Variants in SGCD observed in about 807,000 individuals in gnomAD.
SGCD encodes sarcoglycan delta.
A neutral mutation model predicts 36.6 loss-of-function variants in SGCD; 18 were observed. The ratio of observed to expected loss-of-function variants is 0.49; its 90% CI spans 0.34 to 0.73. The LOEUF (loss-of-function observed/expected upper bound fraction) is 0.73, where lower values mean the gene tolerates loss of function less well. Among genes scored for constraint, SGCD ranks in the 30% least tolerant of loss-of-function variants. SGCD has a pLI of 0.01. For synonymous variants in SGCD, 133 were observed against 130.6 expected, an observed-to-expected ratio of 1.02 and a Z score of -0.12; for missense variants, 387 against 346.7, an observed-to-expected ratio of 1.12 and a Z score of -0.92.
intron 1 of SGCD, among the ~76,000 whole-genome samples, chr5:155,886,959 G>C (rs1487772414): frequency 1.3e-5 from 2 of 152,198 alleles, no homozygotes; most frequent in Admixed American, 1.3e-4. Context: ...CCTTGGTAGG[G>C]AAGCCACATG....
intron 2 of SGCD, among the ~76,000 whole-genome samples, chr5:156,119,167 C>G (rs1163976999): frequency 6.6e-6 from 1 of 152,126 alleles, no homozygotes; most frequent in Non-Finnish European, 1.5e-5. Context: ...AGAGACTGAG[C>G]TGGGCCAGTT....
intron 6 of SGCD, among the ~76,000 whole-genome samples, chr5:156,635,650 G>A (rs1762798857): frequency 6.6e-6 from 1 of 152,086 alleles, no homozygotes; most frequent in African/African-American, 2.4e-5. Flanking sequence ...GTCCAACAAT[G>A]ACAGACTGGA....
chr5:156,494,315 C>CT (rs112840342), intron 3 of SGCD, among the ~76,000 whole-genome samples: 3,959 of 146,854 alleles, frequency 0.027, 156 homozygotes, highest in African/African-American at 0.088. Flanking sequence ...TCAAAAAACT[C>CT]TTTTTTTTAA....
chr5:156,545,651 G>A (rs577033853), intron 4 of SGCD, among the ~76,000 whole-genome samples: 77 of 152,244 alleles, frequency 5.1e-4, no homozygotes, highest in African/African-American at 1.7e-3. Context: ...CTGACAGGAG[G>A]TAGAGCTCAG....
chr5:156,146,167 A>C (rs573122025), intron 3 of SGCD, among the ~76,000 whole-genome samples: 5 of 152,238 alleles, frequency 3.3e-5, no homozygotes, highest in Non-Finnish European at 7.4e-5. Flanking sequence ...GAGCTGAGAT[A>C]GCGCCATTGC....
chr5:156,599,175 C>T (rs972179983), intron 6 of SGCD, among the ~76,000 whole-genome samples: 14 of 152,108 alleles, frequency 9.2e-5, no homozygotes, highest in Non-Finnish European at 5.9e-5. Flanking sequence ...CAAGTCTAGG[C>T]AGTTTCATTT....
intron 1 of SGCD, among the ~76,000 whole-genome samples, chr5:155,982,458 A>T (rs542413089): frequency 6.6e-6 from 1 of 152,186 alleles, no homozygotes; most frequent in Non-Finnish European, 1.5e-5. Flanking sequence ...CTTTGAAAAC[A>T]TTCTTTTCCA....
At chr5:155,963,117 A>G (rs1222665145) in intron 1 of SGCD, among the ~76,000 whole-genome samples, 2 of 152,112 alleles carry the variant, frequency 1.3e-5, no homozygotes, top group Admixed American at 6.6e-5. Context: ...CACCATGGGT[A>G]TTGGCAAGAG....
the SGCD span, among the ~76,000 whole-genome samples, chr5:155,803,927 G>T: frequency 6.6e-6 from 1 of 152,278 alleles, no homozygotes; most frequent in Non-Finnish European, 1.5e-5. Flanking sequence ...TGCCAATAGT[G>T]ACCCATTGAG....
intron 6 of SGCD, among the ~76,000 whole-genome samples, chr5:156,616,920 G>C (rs1475305339): frequency 6.6e-6 from 1 of 152,176 alleles, no homozygotes; most frequent in Non-Finnish European, 1.5e-5. Context: ...GAGTAGTTGA[G>C]ACAGAGATCA....
At chr5:156,605,204 C>A (rs114291306) in intron 6 of SGCD, among the ~76,000 whole-genome samples, 2,660 of 152,226 alleles carry the variant, frequency 0.017, 31 homozygotes, top group Non-Finnish European at 0.029. Context: ...TCCCCTCTCC[C>A]CCCACCCAAC....
chr5:156,331,121 T>C (rs1768050172), intron 2 of SGCD, among the ~76,000 whole-genome samples: 1 of 151,754 alleles, frequency 6.6e-6, no homozygotes, highest in Admixed American at 6.6e-5. Flanking sequence ...AAACAAAGAG[T>C]TCAAACAATC....
At chr5:156,538,782 C>A (rs1561764738) in intron 4 of SGCD, among the ~76,000 whole-genome samples, 1 of 152,012 alleles carries the variant, frequency 6.6e-6, no homozygotes. Context: ...CAGAGGCACA[C>A]CCTCTCCTGT....
chr5:156,191,228 C>G (rs771905475), intron 3 of SGCD, among the ~76,000 whole-genome samples: 4 of 152,060 alleles, frequency 2.6e-5, no homozygotes, highest in Non-Finnish European at 4.4e-5. Context: ...AGGAGATAAT[C>G]ATACAACTTA....
At chr5:155,776,357 C>T in the SGCD span, among the ~76,000 whole-genome samples, 1 of 152,200 alleles carries the variant, frequency 6.6e-6, no homozygotes, top group Admixed American at 6.5e-5. Flanking sequence ...CCTCATTTTC[C>T]TTATCTGCAG....
At chr5:156,291,213 C>A (rs555441868) in intron 3 of SGCD, among the ~76,000 whole-genome samples, 6 of 152,156 alleles carry the variant, frequency 3.9e-5, no homozygotes, top group African/African-American at 1.4e-4. Context: ...CTTAGCAACA[C>A]CGTATTCTAT....
chr5:156,608,990 CTT>C (rs1172682354), intron 6 of SGCD, among the ~76,000 whole-genome samples: 1 of 152,080 alleles, frequency 6.6e-6, no homozygotes, highest in Non-Finnish European at 1.5e-5. Flanking sequence ...GGTCTTGACT[CTT>C]TATCCAATTT....
chr5:156,563,561 T>G (rs1053952604), intron 4 of SGCD, among the ~76,000 whole-genome samples: 1 of 152,224 alleles, frequency 6.6e-6, no homozygotes, highest in Non-Finnish European at 1.5e-5. Context: ...CCAAAGATAG[T>G]TCTTACTGTA....
chr5:156,507,238 C>A (rs537245301), intron 3 of SGCD, among the ~76,000 whole-genome samples: 2 of 152,178 alleles, frequency 1.3e-5, no homozygotes, highest in South Asian at 2.1e-4. Flanking sequence ...TCTCAAGGGT[C>A]CTTGAGAATG....
Sources: allele counts gnomAD v4.1 joint callset (sites outside exome capture counted in the v4.1 genomes callset), GRCh38; gene constraint gnomAD v4.1.1; transcripts MANE v1.5; gene names NCBI Gene and HGNC (gene_info 2026-07-23, HGNC 2026-07-21).